The following AKAP11 variants were observed in gnomAD, a reference collection of about 807,000 sequenced individuals.
AKAP11 encodes the protein A-kinase anchoring protein 11.
AKAP11 carries 36 observed loss-of-function variants against 146.1 expected under a neutral mutation model. That is an observed-to-expected ratio of 0.25 (90% CI 0.19 to 0.33). The LOEUF is 0.33. Among genes scored for constraint, AKAP11 ranks in the 10% least tolerant of loss-of-function variants. The pLI, the probability that AKAP11 is intolerant of heterozygous loss-of-function variation, is 1.00. For synonymous variants in AKAP11, 780 were observed against 786.5 expected (o/e 0.99, Z 0.14); for missense variants, 2,201 against 2,197.0 (o/e 1.00, Z -0.04).
chr13:42,284,788 G>T (rs745570555), intron 1 of AKAP11, among the ~76,000 whole-genome samples: 16 of 152,204 alleles, frequency 1.1e-4, no homozygotes, highest in Non-Finnish European at 1.8e-4. Context: ...GCAGCACAGG[G>T]AGACGCATGA....
chr13:42,282,260 CTTTTT>C (rs768248255), intron 1 of AKAP11, among the ~76,000 whole-genome samples: 4 of 112,372 alleles, frequency 3.6e-5, no homozygotes, highest in African/African-American at 1.3e-4. Context: ...CTAGGCCAGT[CTTTTT>C]TTTTTTTTTT....
In AKAP11 at chr13:42,300,051, C is replaced by T; in HGVS notation, c.1305C>T (p.Arg435=). The T allele has an allele frequency of 1.9e-6, 3 of 1,613,920 alleles. No individual in the cohort carries two copies. In the African/African-American group the frequency reaches 4.0e-5, roughly 22 times the overall value. Residue 435 remains arginine, a synonymous_variant, in exon 8 of 13, where the codon CGC becomes CGT. Coordinates refer to ENST00000025301, the MANE Select transcript of AKAP11 (RefSeq NM_016248.4). ...GNLCDAPDSP[R]PVKASREDSG... is the part of the protein sequence containing the mutation. The stretch of plus-strand genomic sequence containing the variant: ...TGTGTGATGCTCCGGATTCTCCTCG[C>T]CCAGTGAAGGCATCAAGGGAAGATA...
rs1262207545 is a variant in AKAP11, at chr13:42,322,459, T to C, written c.*3231T>C. On this transcript the variant is annotated 3_prime_UTR_variant, in exon 13 of 13. Coordinates refer to ENST00000025301, the MANE Select transcript of AKAP11 (RefSeq NM_016248.4). ...TAGTTAGCTGATATTCTTCCACAAT[T>C]AATATATTCAATTTCCCATCAGTAT... 1 of 152,282 alleles carries C rather than the reference T, an allele frequency of 6.6e-6. No individual in the cohort carries two copies. The highest frequency in any genetic ancestry group is 1.5e-5 in the Non-Finnish European group (1 of 67,980). 9.4% of individuals were successfully genotyped at this position (152,282 alleles called of 1,614,324 possible).
chr13:42,292,401 T>A lies in AKAP11; in HGVS notation c.68T>A (p.Val23Glu), dbSNP rs139664117. The change falls in exon 4 of 13, where the codon GTG (valine) becomes GAG (glutamate). Residue 23 changes from valine (V) to glutamate (E), a missense_variant. Physicochemically the swap from Val to Glu is moderately radical, Grantham distance 121. Coordinates refer to ENST00000025301, the MANE Select transcript of AKAP11 (RefSeq NM_016248.4). ...CCCCTGCAGAGCTTCAGTGAAGATG[T>A]GTTCCAGTCTGTAAAGTCTTTATTG... is the stretch of plus-strand genomic sequence containing the variant. ...ASVRKSFSEDVFQSVKSLLQS... is the reference protein window; with the variant it reads ...ASVRKSFSEDEFQSVKSLLQS... 1 of 1,570,032 alleles carries A rather than the reference T, an allele frequency of 6.4e-7. No individual in the cohort carries two copies. The highest frequency in any genetic ancestry group is 1.3e-5 in the African/African-American group (1 of 74,638).
At chr13:42,275,376 A>G (rs1045780567) in intron 1 of AKAP11, among the ~76,000 whole-genome samples, 1 of 152,216 alleles carries the variant, frequency 6.6e-6, no homozygotes, top group Non-Finnish European at 1.5e-5. Flanking sequence ...TAGAGAGAGA[A>G]TCCAATTGGT....
chr13:42,312,751 T>G (rs1047126396), intron 9 of AKAP11, among the ~76,000 whole-genome samples: 2 of 152,250 alleles, frequency 1.3e-5, no homozygotes, highest in African/African-American at 4.8e-5. Context: ...CCTGTGAAAC[T>G]TATTACTTCA....
intron 9 of AKAP11, 104 bp downstream of exon 9, chr13:42,308,713 C>G (rs1466013435): frequency 1.2e-6 from 1 of 859,920 alleles, no homozygotes; most frequent in East Asian, 2.9e-5. Flanking sequence ...TGAAAATATG[C>G]TATTACTTTC....
In AKAP11 at chr13:42,301,695, A is replaced by G. The variant is rs1260546089; in HGVS notation, c.2949A>G (p.Glu983=). Residue 983 remains glutamate, a synonymous_variant, in exon 8 of 13, where the codon GAA becomes GAG. Coordinates refer to ENST00000025301, the MANE Select transcript of AKAP11 (RefSeq NM_016248.4). ...VSGEESQLTP[E]KSPKFPDSQN... is the part of the protein sequence containing the mutation. The stretch of plus-strand genomic sequence containing the variant: ...GAGAAGAATCACAGTTGACACCAGA[A>G]AAGTCTCCCAAATTTCCTGACTCTC... 2 of 1,614,064 alleles carry G rather than the reference A, an allele frequency of 1.2e-6. No homozygotes were observed. Among genetic ancestry groups the G allele is most frequent in the African/African-American group, 1.3e-5 (1 of 74,934 alleles).
rs1037545986 is a variant in AKAP11 at position 42,320,340 on chromosome 13, T to C, written c.*1112T>C. ...CACCCCGCCCCACCCAGATAAACTA[T>C]ATCTACACTGTCTCGTCAAGTTCTC... On this transcript the variant is annotated 3_prime_UTR_variant, in exon 13 of 13. Transcript: ENST00000025301. 4 of 122,772 alleles carry C rather than the reference T, an allele frequency of 3.3e-5. No individual in the cohort carries two copies. Among genetic ancestry groups the C allele is most frequent in the African/African-American group, 1.2e-4 (4 of 32,280 alleles). The allele number at this position is 122,772 out of a possible 1,614,324, so 7.6% of individuals were successfully genotyped here.
intron 3 of AKAP11, among the ~76,000 whole-genome samples, chr13:42,291,769 T>C (rs1050253915): frequency 6.6e-6 from 1 of 152,124 alleles, no homozygotes; most frequent in African/African-American, 2.4e-5. Context: ...GAAATAAGTG[T>C]TCTATTTATG....
intron 3 of AKAP11, among the ~76,000 whole-genome samples, chr13:42,288,721 C>G (rs1959184468): frequency 6.6e-6 from 1 of 152,126 alleles, no homozygotes; most frequent in African/African-American, 2.4e-5. Context: ...AAGAATTTTT[C>G]CTTTTTTTCT....
chr13:42,319,504 G>T lies in AKAP11; in HGVS notation c.*276G>T. Reference sequence around the variant, plus strand: ...TATTTGAAGGAAGGTCTAACCAGGGGGTTTTCAGGGGCATTGTCTGACCAC... The same window carrying T: ...TATTTGAAGGAAGGTCTAACCAGGGTGTTTTCAGGGGCATTGTCTGACCAC... On this transcript the variant is annotated 3_prime_UTR_variant, in exon 13 of 13. Coordinates refer to ENST00000025301, the MANE Select transcript of AKAP11 (RefSeq NM_016248.4). 3.4e-6 allele frequency: 1 copy of T among 293,394 alleles called. No individual in the cohort carries two copies. The allele number at this position is 293,394 out of a possible 1,614,324, so 18.2% of individuals were successfully genotyped here. A position where few individuals can be genotyped will look rare whatever the true frequency, so the allele number is the denominator to read the frequency against.
chr13:42,310,015 G>A (rs1332695296), intron 9 of AKAP11, among the ~76,000 whole-genome samples: 4 of 152,110 alleles, frequency 2.6e-5, no homozygotes, highest in South Asian at 2.1e-4. Context: ...TAATGATGTG[G>A]AATACTCATT....
chr13:42,286,107 A>G (rs1391285363), intron 2 of AKAP11, 72 bp downstream of exon 2: 1 of 288,952 alleles, frequency 3.5e-6, no homozygotes, highest in Non-Finnish European at 6.4e-6. Flanking sequence ...TATCTCATTA[A>G]GGTACCAATA....
intron 3 of AKAP11, among the ~76,000 whole-genome samples, chr13:42,291,677 T>A (rs1227656285): frequency 6.6e-6 from 1 of 152,206 alleles, no homozygotes; most frequent in African/African-American, 2.4e-5. Context: ...GTAGGATTTC[T>A]ACATGGGAAG....
intron 1 of AKAP11, among the ~76,000 whole-genome samples, chr13:42,284,225 A>T (rs935285959): frequency 7.2e-5 from 11 of 152,244 alleles, no homozygotes; most frequent in Non-Finnish European, 1.0e-4. Flanking sequence ...CCTTGTTAAT[A>T]AACTAGATGC....
chr13:42,279,495 A>G (rs910437950), intron 1 of AKAP11, among the ~76,000 whole-genome samples: 65 of 152,124 alleles, frequency 4.3e-4, no homozygotes, highest in African/African-American at 1.4e-3. Context: ...TGTATCCAGT[A>G]TGGTTTTCGT....
chr13:42,303,279 T>C lies in AKAP11; in HGVS notation c.4533T>C (p.Leu1511=), dbSNP rs765482782. ...CHVTPELPKS[L]QPSSQNHRFY... ...TTACACCAGAATTGCCTAAGTCTCTTCAGCCTTCCTCACAAAATCACAGGT... is the reference window on the plus strand; with the variant it reads ...TTACACCAGAATTGCCTAAGTCTCTCCAGCCTTCCTCACAAAATCACAGGT... The change falls in exon 8 of 13, where the codon CTT becomes CTC. Residue 1511 remains leucine, a synonymous_variant. Coordinates refer to ENST00000025301, the MANE Select transcript of AKAP11 (RefSeq NM_016248.4). The C allele has an allele frequency of 6.2e-7, 1 of 1,613,276 alleles. No individual in the cohort carries two copies. Among genetic ancestry groups the C allele is most frequent in the Non-Finnish European group, 8.5e-7 (1 of 1,180,028 alleles).
In AKAP11 at chr13:42,302,726, G is replaced by A. The variant is rs763578051; in HGVS notation, c.3980G>A (p.Cys1327Tyr). Residue 1327 changes from cysteine (C) to tyrosine (Y), a missense_variant, in exon 8 of 13, where the codon TGT (cysteine) becomes TAT (tyrosine). Coordinates refer to ENST00000025301, the MANE Select transcript of AKAP11 (RefSeq NM_016248.4). ...PFILSLPPSS[C>Y]MSGLMYKYPS... is the part of the protein sequence containing the mutation. ...ATTCTTTCATTACCACCAAGTTCTT[G>A]TATGTCAGGTCTGATGTATAAGTAT... is the stretch of plus-strand genomic sequence containing the variant. The A allele has an allele frequency of 1.2e-6, 2 of 1,614,124 alleles. No individual in the cohort carries two copies. The highest frequency in any genetic ancestry group is 1.1e-5 in the South Asian group (1 of 91,082).
Sources: allele counts gnomAD v4.1 joint callset (sites outside exome capture counted in the v4.1 genomes callset), GRCh38; gene constraint gnomAD v4.1.1; transcripts MANE v1.5; gene names NCBI Gene and HGNC (gene_info 2026-07-23, HGNC 2026-07-21).